LRP1B: variants seen among roughly 807,000 people sequenced by gnomAD.
LRP1B encodes the protein LDL receptor related protein 1B.
A neutral mutation model predicts 556.6 loss-of-function variants in LRP1B; 217 were observed. The ratio of observed to expected loss-of-function variants is 0.39; its 90% confidence interval spans 0.35 to 0.44. The LOEUF is 0.44. Ranked by LOEUF, LRP1B falls within the 20% of genes least tolerant of loss-of-function variation. The pLI, the probability that LRP1B is intolerant of heterozygous loss-of-function variation, is 1.00. For synonymous variants in LRP1B, 2,047 were observed against 1,865.8 expected, an observed-to-expected ratio of 1.10 and a Z score of -2.50; for missense variants, 5,053 against 5,620.8, an observed-to-expected ratio of 0.90 and a Z score of 3.23.
intron 7 of LRP1B, among the ~76,000 whole-genome samples, chr2:141,166,463 T>C (rs1680264295): frequency 6.6e-6 from 1 of 151,476 alleles, no homozygotes; most frequent in South Asian, 2.1e-4. Flanking sequence ...AGGCATATAA[T>C]GCATAACAAT....
chr2:141,468,814 T>A (rs1458931400), intron 3 of LRP1B, among the ~76,000 whole-genome samples: 1 of 152,162 alleles, frequency 6.6e-6, no homozygotes, highest in Non-Finnish European at 1.5e-5. Context: ...TTTCAGCTAA[T>A]GGGAGTAAAA....
At chr2:141,276,100 G>A (rs976106740) in intron 3 of LRP1B, among the ~76,000 whole-genome samples, 3 of 151,970 alleles carry the variant, frequency 2.0e-5, no homozygotes, top group Non-Finnish European at 2.9e-5. Flanking sequence ...TATTTTTTTG[G>A]TGAAGGCTAT....
At chr2:141,287,809 C>T (rs1323581002) in intron 3 of LRP1B, among the ~76,000 whole-genome samples, 3 of 152,068 alleles carry the variant, frequency 2.0e-5, no homozygotes, top group African/African-American at 2.4e-5. Context: ...ATGCAACTGT[C>T]GCATGTTTTT....
chr2:141,435,568 C>T (rs1216674676), intron 3 of LRP1B, among the ~76,000 whole-genome samples: 1 of 152,168 alleles, frequency 6.6e-6, no homozygotes, highest in African/African-American at 2.4e-5. Context: ...TTACCTTTCC[C>T]CTCAGGCATA....
intron 1 of LRP1B, among the ~76,000 whole-genome samples, chr2:141,995,273 C>T (rs1196095244): frequency 6.6e-6 from 1 of 152,026 alleles, no homozygotes; most frequent in Non-Finnish European, 1.5e-5. Context: ...AAAATGTTTC[C>T]TTGCCTTTTC....
intron 1 of LRP1B, among the ~76,000 whole-genome samples, chr2:141,956,534 A>G (rs1450568870): frequency 6.6e-6 from 1 of 151,966 alleles, no homozygotes. Context: ...TGTGACTTAT[A>G]TTTTCACTGT....
chr2:141,961,993 C>G (rs1701415744), intron 1 of LRP1B, among the ~76,000 whole-genome samples: 1 of 151,674 alleles, frequency 6.6e-6, no homozygotes. Flanking sequence ...TCAACAAAGA[C>G]TATTCAGATT....
intron 20 of LRP1B, among the ~76,000 whole-genome samples, chr2:140,926,195 A>G (rs992072781): frequency 6.6e-6 from 1 of 151,982 alleles, no homozygotes; most frequent in African/African-American, 2.4e-5. Context: ...AAAATATAAT[A>G]TTGTGAACTT....
At chr2:141,979,620 G>T (rs931383479) in intron 1 of LRP1B, among the ~76,000 whole-genome samples, 4 of 151,934 alleles carry the variant, frequency 2.6e-5, no homozygotes, top group Non-Finnish European at 4.4e-5. Context: ...TTGCCGTCTT[G>T]TGTGTTTCCT....
At chr2:142,068,635 G>A (rs1274014976) in intron 1 of LRP1B, among the ~76,000 whole-genome samples, 1 of 151,272 alleles carries the variant, frequency 6.6e-6, no homozygotes, top group African/African-American at 2.4e-5. Context: ...TCAGTGAACA[G>A]GTTTCTCAAT....
At chr2:140,885,778 G>A (rs1179926536) in intron 24 of LRP1B, among the ~76,000 whole-genome samples, 1 of 140,868 alleles carries the variant, frequency 7.1e-6, no homozygotes, top group Non-Finnish European at 1.5e-5. Flanking sequence ...TTTGAATTAT[G>A]TTGAAAGATG....
rs189581936 is a variant in LRP1B, at chr2:141,234,574, A to G, written c.593-5134T>C. Among the ~76,000 whole-genome samples the G allele has an allele frequency of 4.8e-3, 735 of 152,036 alleles. 5 individuals carry two copies. Among genetic ancestry groups the G allele is most frequent in the African/African-American group, 0.017 (704 of 41,444 alleles). Reference sequence around the variant, plus strand: ...GTATTTTTAGTAGAGACTGGGTTTCACCATGTTGGCCAGGCTGGTCTTGAA... The same window carrying G: ...GTATTTTTAGTAGAGACTGGGTTTCGCCATGTTGGCCAGGCTGGTCTTGAA... On this transcript the variant is annotated intron_variant, in intron 5 of 90. Coordinates refer to ENST00000389484, the MANE Select transcript of LRP1B (RefSeq NM_018557.3).
At chr2:141,754,123 T>G (rs1378683385) in intron 2 of LRP1B, among the ~76,000 whole-genome samples, 2 of 152,150 alleles carry the variant, frequency 1.3e-5, no homozygotes, top group African/African-American at 4.8e-5. Context: ...TTCTTATCCA[T>G]GCATGCAAAA....
intron 41 of LRP1B, among the ~76,000 whole-genome samples, chr2:140,624,453 C>A (rs532356207): frequency 1.3e-5 from 2 of 152,288 alleles, no homozygotes; most frequent in African/African-American, 4.8e-5. Context: ...TAATCCTCAA[C>A]AATGATTCAT....
At position 140,840,908 on chromosome 2, in the gene LRP1B, C is replaced by T. The variant is rs1162880251; in HGVS notation, c.5114+10G>A. The T allele has an allele frequency of 1.3e-6, 2 of 1,555,768 alleles. No individual in the cohort carries two copies. The highest frequency in any genetic ancestry group is 1.4e-5 in the African/African-American group (1 of 71,702). The stretch of plus-strand genomic sequence containing the variant: ...TTTGGAAAAACTTTAAAAAAAAAAT[C>T]ATACTTTACCCCCTGACTGGGTGAG... On this transcript the variant is annotated intron_variant, in intron 30 of 90. Coordinates refer to ENST00000389484, the MANE Select transcript of LRP1B (RefSeq NM_018557.3).
chr2:141,538,884 C>CG (rs1685153413), intron 2 of LRP1B, among the ~76,000 whole-genome samples: 1 of 152,150 alleles, frequency 6.6e-6, no homozygotes, highest in Admixed American at 6.6e-5. Flanking sequence ...GGTGATCCCC[C>CG]GGCACTGGCC....
chr2:141,952,355 G>A (rs1280908577), intron 1 of LRP1B, among the ~76,000 whole-genome samples: 1 of 151,960 alleles, frequency 6.6e-6, no homozygotes, highest in Non-Finnish European at 1.5e-5. Context: ...ATAATCCTTT[G>A]GGTATATACC....
At chr2:140,717,549 A>G (rs1687255665) in intron 35 of LRP1B, among the ~76,000 whole-genome samples, 1 of 152,092 alleles carries the variant, frequency 6.6e-6, no homozygotes, top group Admixed American at 6.6e-5. Flanking sequence ...AAGACTATAA[A>G]TGAAATATAT....
At chr2:140,727,352 T>C (rs1687629857) in intron 35 of LRP1B, among the ~76,000 whole-genome samples, 3 of 152,182 alleles carry the variant, frequency 2.0e-5, no homozygotes, top group Admixed American at 6.6e-5. Context: ...GACCAATTCA[T>C]GCTGTGCCTT....
Sources: allele counts gnomAD v4.1 joint callset (sites outside exome capture counted in the v4.1 genomes callset), GRCh38; gene constraint gnomAD v4.1.1; transcripts MANE v1.5; gene names NCBI Gene and HGNC (gene_info 2026-07-23, HGNC 2026-07-21).